The following KIF3B variants were observed in gnomAD, a reference collection of about 807,000 sequenced individuals.
KIF3B encodes kinesin-like protein KIF3B.
A neutral mutation model predicts 74.3 loss-of-function variants in KIF3B; 38 were observed. That is an observed-to-expected ratio of 0.51 (90% CI 0.39 to 0.67). The LOEUF is 0.67. Among genes scored for constraint, KIF3B ranks in the 30% least tolerant of loss-of-function variants. KIF3B has a pLI of 0.00. For synonymous variants in KIF3B, 326 were observed against 342.5 expected (o/e 0.95, Z 0.53); for missense variants, 649 against 932.0 (o/e 0.70, Z 3.95).
chr20:32,287,731 T>C (rs1016823811), intron 1 of KIF3B, among the ~76,000 whole-genome samples: 2 of 152,174 alleles, frequency 1.3e-5, no homozygotes, highest in African/African-American at 2.4e-5. Context: ...TAATCACATA[T>C]AATGTGTTAT....
At chr20:32,292,601 AAAAAAG>A (rs1307683390) in intron 1 of KIF3B, among the ~76,000 whole-genome samples, 2 of 149,650 alleles carry the variant, frequency 1.3e-5, no homozygotes, top group African/African-American at 5.0e-5. Context: ...AAAAAAAAAA[AAAAAAG>A]AAAAGTCGGG....
intron 7 of KIF3B, 52 bp from the exon 8 acceptor site, chr20:32,330,089 G>C: frequency 6.5e-7 from 1 of 1,548,508 alleles, no homozygotes; most frequent in South Asian, 1.2e-5. Context: ...TGCTTGTACT[G>C]CCTGTGTCCA....
At chr20:32,288,363 A>C (rs113416653) in intron 1 of KIF3B, among the ~76,000 whole-genome samples, 1 of 151,962 alleles carries the variant, frequency 6.6e-6, no homozygotes, top group East Asian at 1.9e-4. Flanking sequence ...AGTGGCTTGC[A>C]CCTGTACTCC....
At chr20:32,294,464 C>A (rs2047707447) in intron 1 of KIF3B, among the ~76,000 whole-genome samples, 1 of 152,078 alleles carries the variant, frequency 6.6e-6, no homozygotes. Flanking sequence ...TTATAAAAAT[C>A]AAAATACATG....
intron 7 of KIF3B, 21 bp downstream of exon 7, chr20:32,327,682 T>C (rs1318113347): frequency 1.3e-6 from 2 of 1,576,360 alleles, no homozygotes; most frequent in Non-Finnish European, 1.7e-6. Context: ...CCTTCTTGGG[T>C]TTTTCTCCTG....
chr20:32,306,365 C>T (rs1016997928), intron 1 of KIF3B, among the ~76,000 whole-genome samples: 3 of 151,844 alleles, frequency 2.0e-5, no homozygotes, highest in Non-Finnish European at 2.9e-5. Flanking sequence ...CACTGCACTC[C>T]AGCCTGGCAA....
At chr20:32,295,854 C>CTTTTTTTTTTT (rs66566110) in intron 1 of KIF3B, among the ~76,000 whole-genome samples, 2 of 110,854 alleles carry the variant, frequency 1.8e-5, no homozygotes, top group African/African-American at 3.5e-5. Context: ...TTTTTATTAT[C>CTTTTTTTTTTT]TTTTTTTTTT....
At chr20:32,304,848 TA>T (rs57994508) in intron 1 of KIF3B, among the ~76,000 whole-genome samples, 8 of 145,856 alleles carry the variant, frequency 5.5e-5, no homozygotes, top group African/African-American at 1.3e-4. Flanking sequence ...AGCCTTTTGA[TA>T]AAAAAAAACA....
chr20:32,314,128 AG>A (rs2047815392), intron 2 of KIF3B, among the ~76,000 whole-genome samples: 1 of 152,226 alleles, frequency 6.6e-6, no homozygotes, highest in African/African-American at 2.4e-5. Flanking sequence ...GAACTCTCAG[AG>A]GCTGAGTCTG....
At position 32,310,179 on chromosome 20, in the gene KIF3B, G is replaced by A; in HGVS notation, c.402G>A (p.Gln134=). The change falls in exon 2 of 9, where the codon CAG becomes CAA. Residue 134 remains glutamine, a synonymous_variant. Transcript: ENST00000375712. The surrounding 1 kb of genome is among the most constrained non-coding windows in gnomAD (Gnocchi z 6.5). ...TCTTCACCCACATCTCTCGATCCCA[G>A]AATCAACAATACCTGGTCAGGGCTT... ...DHIFTHISRS[Q]NQQYLVRASY... 6.2e-7 allele frequency: 1 copy of A among 1,613,202 alleles called. No homozygotes were observed. Among genetic ancestry groups the A allele is most frequent in the Non-Finnish European group, 8.5e-7 (1 of 1,179,272 alleles).
intron 5 of KIF3B, among the ~76,000 whole-genome samples, chr20:32,322,167 T>A (rs2047863251): frequency 1.3e-5 from 2 of 152,152 alleles, no homozygotes; most frequent in South Asian, 4.1e-4. Context: ...ATTTATTTAT[T>A]ATTTCTTTAA....
chr20:32,284,101 TG>T (rs1037200581), intron 1 of KIF3B, among the ~76,000 whole-genome samples: 77 of 152,140 alleles, frequency 5.1e-4, no homozygotes, highest in African/African-American at 1.8e-3. Context: ...AAAAAATTTT[TG>T]TTTTTAATTT....
Position 32,316,762 on chromosome 20 carries a change from T to G in KIF3B, c.1636T>G (p.Ser546Ala). The G allele has an allele frequency of 6.2e-7, 1 of 1,613,972 alleles. No individual in the cohort carries two copies. Among genetic ancestry groups the G allele is most frequent in the Non-Finnish European group, 8.5e-7 (1 of 1,179,912 alleles). Residue 546 changes from serine to alanine, a missense_variant, in exon 5 of 9, where the codon TCC becomes GCC. Ser to Ala is a moderately conservative substitution (Grantham distance 99). Transcript: ENST00000375712. Reference protein sequence around the residue: ...IKTKKLKKLFSKLQAVKAEIH... With the variant: ...IKTKKLKKLFAKLQAVKAEIH... ...GCCTCTCCCCTCATTCCAGCTCTTC[T>G]CCAAGCTTCAGGCAGTGAAGGCTGA... is the stretch of plus-strand genomic sequence containing the variant.
intron 1 of KIF3B, among the ~76,000 whole-genome samples, chr20:32,279,807 C>T (rs1555894070): frequency 6.6e-6 from 1 of 152,168 alleles, no homozygotes; most frequent in Non-Finnish European, 1.5e-5. Flanking sequence ...GTCCCTCATT[C>T]CCTCCTCATT....
chr20:32,313,460 T>C (rs184690553), intron 2 of KIF3B, among the ~76,000 whole-genome samples: 1 of 152,342 alleles, frequency 6.6e-6, no homozygotes, highest in African/African-American at 2.4e-5. Context: ...TGTTTGTTTG[T>C]TTTAATCAGT....
At position 32,322,748 on chromosome 20, in the gene KIF3B, A is replaced by ATATATT. The variant is rs1569207730; in HGVS notation, c.1749-4018_1749-4017insTTATAT. On this transcript the variant is annotated intron_variant, in intron 5 of 8. Transcript: ENST00000375712. ...TTTATTTATTTATATATATTTATTT[A>ATATATT]TATATATATTTATATATATTTATAT... 3.4e-4 allele frequency among the ~76,000 whole-genome samples: 11 copies of ATATATT among 32,438 alleles called. 4 individuals are homozygous for ATATATT. Among genetic ancestry groups the ATATATT allele is most frequent in the African/African-American group, 2.1e-3 (11 of 5,218 alleles). The allele number at this position is 32,438 out of a possible 152,430, so 21.3% of individuals were successfully genotyped here. A position where few individuals can be genotyped will look rare whatever the true frequency, so the allele number is the denominator to read the frequency against.
chr20:32,326,976 A>G, intron 6 of KIF3B, 92 bp downstream of exon 6: 1 of 685,378 alleles, frequency 1.5e-6, no homozygotes, highest in Non-Finnish European at 2.5e-6. Context: ...AAGGGGTTTG[A>G]TAAGAACACA....
intron 1 of KIF3B, among the ~76,000 whole-genome samples, chr20:32,286,378 G>C (rs1223829633): frequency 6.6e-6 from 1 of 152,074 alleles, no homozygotes; most frequent in Non-Finnish European, 1.5e-5. Flanking sequence ...AATCTAGCTG[G>C]CAAATCATAA....
In KIF3B at chr20:32,334,075, G is replaced by A. The variant is rs2047944029; in HGVS notation, c.*2756G>A. On this transcript the variant is annotated 3_prime_UTR_variant, in exon 9 of 9. Coordinates refer to ENST00000375712, the MANE Select transcript of KIF3B (RefSeq NM_004798.4). ...CCTAGAATGTTCTGAGCCGTCTGAG[G>A]GCCTTCATGCCGGCAGCAGCTAGCA... 6.6e-6 allele frequency: 1 copy of A among 152,638 alleles called. No individual in the cohort carries two copies. Among genetic ancestry groups the A allele is most frequent in the African/African-American group, 2.4e-5 (1 of 41,420 alleles). 9.5% of individuals were successfully genotyped at this position (152,638 alleles called of 1,614,324 possible). A position where few individuals can be genotyped will look rare whatever the true frequency, so the allele number is the denominator to read the frequency against.
Sources: gnomAD v4.1 joint callset for allele counts (sites outside exome capture counted in the v4.1 genomes callset) on GRCh38, gnomAD v4.1.1 for gene constraint, Gnocchi (gnomAD v3.1) non-coding constraint, MANE v1.5 for transcripts, NCBI Gene and HGNC (gene_info 2026-07-23, HGNC 2026-07-21) for gene names.